INTS7: variants seen among roughly 807,000 people sequenced by gnomAD.
INTS7 encodes chromosome 1 open reading frame 73.
Under a neutral mutation model 109.2 loss-of-function variants are expected in INTS7, and 46 were observed. That is an observed-to-expected ratio of 0.42 (90% CI 0.33 to 0.54). The LOEUF is 0.54. Among genes scored for constraint, INTS7 ranks in the 20% least tolerant of loss-of-function variants. The pLI, the probability that INTS7 is intolerant of heterozygous loss-of-function variation, is 0.07. For missense variants in INTS7, 929 were observed against 1,132.4 expected (o/e 0.82, Z 2.58); for synonymous variants, 412 against 402.9 (o/e 1.02, Z -0.27).
intron 1 of INTS7, among the ~76,000 whole-genome samples, chr1:212,032,628 C>T (rs1013628477): frequency 6.6e-6 from 1 of 152,082 alleles, no homozygotes; most frequent in Non-Finnish European, 1.5e-5. Context: ...AGGTGCCCAC[C>T]ACCACGCCTG....
intron 7 of INTS7, among the ~76,000 whole-genome samples, chr1:211,994,244 C>CA (rs1173086381): frequency 6.6e-6 from 1 of 152,014 alleles, no homozygotes; most frequent in Non-Finnish European, 1.5e-5. Flanking sequence ...GAGTAAAATT[C>CA]AAATTCAAAA....
rs1571832690 is a variant in INTS7 at position 211,942,206 on chromosome 1, T to C, written c.2602-95A>G. 3 of 1,334,730 alleles carry C rather than the reference T, an allele frequency of 2.2e-6. No homozygotes were observed. Among genetic ancestry groups the C allele is most frequent in the Non-Finnish European group, 3.1e-6 (3 of 966,612 alleles). The allele number at this position is 1,334,730 out of a possible 1,614,324, so 82.7% of individuals were successfully genotyped here. A position where few individuals can be genotyped will look rare whatever the true frequency, so the allele number is the denominator to read the frequency against. Reference sequence around the variant, plus strand: ...CTGTTCTAAGAGCTTATTTAGACCATGCAGACAATAAAAAATTAGGTACTG... The same window carrying C: ...CTGTTCTAAGAGCTTATTTAGACCACGCAGACAATAAAAAATTAGGTACTG... On this transcript the variant is annotated intron_variant, in intron 19 of 19. Transcript: ENST00000366994. The surrounding 1 kb of genome is among the most constrained non-coding windows in gnomAD (Gnocchi z 4.2).
chr1:211,947,478 T>G (rs990609663), intron 17 of INTS7, among the ~76,000 whole-genome samples: 13 of 152,310 alleles, frequency 8.5e-5, no homozygotes, highest in African/African-American at 3.1e-4. Context: ...CCATTCCTGC[T>G]TGGTCTACTA....
intron 7 of INTS7, among the ~76,000 whole-genome samples, chr1:211,988,281 G>A (rs1041061686): frequency 1.3e-5 from 2 of 151,850 alleles, no homozygotes; most frequent in Non-Finnish European, 2.9e-5. Context: ...AATTAGCTGG[G>A]TATGGTGGTA....
chr1:211,990,211 G>A (rs745416015), intron 7 of INTS7, among the ~76,000 whole-genome samples: 10 of 151,920 alleles, frequency 6.6e-5, no homozygotes, highest in Middle Eastern at 3.4e-3. Flanking sequence ...AACAGTAACC[G>A]TGAAAGTATC....
intron 1 of INTS7, chr1:212,025,524 AT>A (rs1478307653): frequency 6.6e-6 from 1 of 152,334 alleles, no homozygotes; most frequent in Admixed American, 6.5e-5. Context: ...TTAATATTCA[AT>A]TTTCTAAAAA....
intron 16 of INTS7, among the ~76,000 whole-genome samples, chr1:211,961,806 A>C (rs751609875): frequency 3.9e-5 from 6 of 152,232 alleles, no homozygotes; most frequent in Non-Finnish European, 5.9e-5. Flanking sequence ...TGACAGAAAA[A>C]TACTATCTTT....
At chr1:211,964,181 C>T (rs1663768436) in intron 16 of INTS7, among the ~76,000 whole-genome samples, 1 of 152,102 alleles carries the variant, frequency 6.6e-6, no homozygotes, top group Non-Finnish European at 1.5e-5. Context: ...CACTAGTATT[C>T]CTATATACCA....
At chr1:211,954,200 T>A (rs1330878563) in intron 16 of INTS7, among the ~76,000 whole-genome samples, 3 of 152,218 alleles carry the variant, frequency 2.0e-5, no homozygotes, top group Non-Finnish European at 4.4e-5. Flanking sequence ...AATGTCTTCT[T>A]TTGAGAAGTG....
intron 10 of INTS7, among the ~76,000 whole-genome samples, chr1:211,979,912 A>G (rs1430480472): frequency 6.6e-6 from 1 of 152,188 alleles, no homozygotes; most frequent in Non-Finnish European, 1.5e-5. Context: ...TTTTTGTGAA[A>G]TATCAGAGAA....
At chr1:212,006,262 C>A (rs1444526980) in intron 7 of INTS7, among the ~76,000 whole-genome samples, 1 of 152,070 alleles carries the variant, frequency 6.6e-6, no homozygotes, top group Admixed American at 6.6e-5. Flanking sequence ...CCCAAGTTGC[C>A]CATCCAGCCC....
intron 14 of INTS7, 75 bp from the exon 15 acceptor site, chr1:211,968,056 A>G (rs1376532773): frequency 2.7e-6 from 2 of 728,148 alleles, no homozygotes; most frequent in Non-Finnish European, 4.4e-6. Context: ...CCAAAACAAA[A>G]AAAAGCACCT....
At chr1:211,964,652 C>G (rs924752543) in intron 16 of INTS7, among the ~76,000 whole-genome samples, 2 of 152,066 alleles carry the variant, frequency 1.3e-5, no homozygotes, top group Non-Finnish European at 2.9e-5. Flanking sequence ...ATAGAGAGCC[C>G]AGAAACAAGG....
In INTS7 at chr1:212,035,551, C is replaced by T; in HGVS notation, c.-114G>A. ...TTTTTCTTCCGCGCGCTGTCAAGCC[C>T]TGTTACGCATGCGCCCTGGTCACCC... On this transcript the variant is annotated 5_prime_UTR_variant, in exon 1 of 20. Transcript: ENST00000366994. 5 of 849,584 alleles carry T rather than the reference C, an allele frequency of 5.9e-6. No individual in the cohort carries two copies. The East Asian group carries it at 1.2e-4, about 21-fold the overall frequency. The allele number at this position is 849,584 out of a possible 1,614,324, so 52.6% of individuals were successfully genotyped here.
intron 9 of INTS7, 141 bp from the exon 10 acceptor site, chr1:211,981,331 T>C: frequency 2.0e-6 from 1 of 496,478 alleles, no homozygotes; most frequent in South Asian, 4.2e-5. Flanking sequence ...GAACCTAACC[T>C]TCCTTGAAAA....
At chr1:212,013,620 C>G (rs1414312564) in intron 4 of INTS7, among the ~76,000 whole-genome samples, 1 of 152,158 alleles carries the variant, frequency 6.6e-6, no homozygotes, top group Non-Finnish European at 1.5e-5. Context: ...CACTGATCAC[C>G]CAGAGCAAAT....
chr1:211,985,281 A>G (rs950634906), intron 8 of INTS7, among the ~76,000 whole-genome samples: 23 of 152,202 alleles, frequency 1.5e-4, no homozygotes, highest in Non-Finnish European at 2.6e-4. Flanking sequence ...TCTGATATTG[A>G]ACATCTTATA....
At chr1:212,009,734 T>G (rs1399783587) in intron 5 of INTS7, among the ~76,000 whole-genome samples, 1 of 152,248 alleles carries the variant, frequency 6.6e-6, no homozygotes, top group East Asian at 1.9e-4. Context: ...ACCTGTTTCC[T>G]GCTGAGATCT....
chr1:212,014,626 G>A (rs1372804973), intron 4 of INTS7, among the ~76,000 whole-genome samples: 1 of 133,924 alleles, frequency 7.5e-6, no homozygotes, highest in African/African-American at 2.8e-5. Flanking sequence ...CCGCCATCTC[G>A]GCTCACTGCA....
Sources: allele counts gnomAD v4.1 joint callset (sites outside exome capture counted in the v4.1 genomes callset), GRCh38; gene constraint gnomAD v4.1.1; non-coding constraint Gnocchi (gnomAD v3.1); transcripts MANE v1.5; gene names NCBI Gene and HGNC (gene_info 2026-07-23, HGNC 2026-07-21).